RPS6KC1: variants seen among roughly 807,000 people sequenced by gnomAD.
RPS6KC1 encodes the protein inactive ribosomal protein S6 kinase delta-1.
A neutral mutation model predicts 103.8 loss-of-function variants in RPS6KC1; 54 were observed. That is an observed-to-expected ratio of 0.52 (90% CI 0.42 to 0.65). RPS6KC1 has a LOEUF of 0.65. RPS6KC1 is among the 30% of genes least tolerant of loss of function. The pLI is 0.00. For synonymous variants in RPS6KC1, 439 were observed against 438.7 expected, an observed-to-expected ratio of 1.00 and a Z score of -0.01; for missense variants, 1,151 against 1,253.8, an observed-to-expected ratio of 0.92 and a Z score of 1.24.
the RPS6KC1 span, among the ~76,000 whole-genome samples, chr1:213,448,784 A>G: frequency 2.8e-5 from 4 of 144,256 alleles, no homozygotes; most frequent in South Asian, 2.2e-4. Context: ...AAAAAAAAAA[A>G]GGAAAAAAAT....
At position 213,074,659 on chromosome 1, in the gene RPS6KC1, G is replaced by A. The variant is rs542113556; in HGVS notation, c.142-3037G>A. ...CTAGAGTTGAGAAGAAGGAATATAG[G>A]ATTGAATAAATTAGGGCATGGTGAA... On this transcript the variant is annotated intron_variant, in intron 2 of 14. Coordinates refer to ENST00000366960, the MANE Select transcript of RPS6KC1 (RefSeq NM_012424.6). 6.6e-5 allele frequency among the ~76,000 whole-genome samples: 10 copies of A among 151,994 alleles called. No individual in the cohort carries two copies. In the South Asian group the frequency reaches 1.9e-3, roughly 28 times the overall value.
chr1:213,170,632 G>A (rs1002491564), intron 7 of RPS6KC1, among the ~76,000 whole-genome samples: 2 of 152,102 alleles, frequency 1.3e-5, no homozygotes, highest in African/African-American at 4.8e-5. Context: ...GGATTTTTTC[G>A]GTTCTTAGGC....
At chr1:213,538,170 C>T in the RPS6KC1 span, among the ~76,000 whole-genome samples, 2 of 152,136 alleles carry the variant, frequency 1.3e-5, no homozygotes, top group Non-Finnish European at 2.9e-5. Context: ...CCTTGGCTCC[C>T]AGGTTTGGTG....
intron 5 of RPS6KC1, among the ~76,000 whole-genome samples, chr1:213,120,577 G>T (rs1305594399): frequency 6.6e-6 from 1 of 152,140 alleles, no homozygotes; most frequent in Non-Finnish European, 1.5e-5. Flanking sequence ...CAGTGAAATG[G>T]AGGGTTGTTA....
the RPS6KC1 span, among the ~76,000 whole-genome samples, chr1:213,312,730 G>A: frequency 6.6e-6 from 1 of 152,190 alleles, no homozygotes; most frequent in Non-Finnish European, 1.5e-5. Context: ...TGAGGACAGG[G>A]TAATGATGTC....
intron 4 of RPS6KC1, 111 bp downstream of exon 4, chr1:213,104,680 G>T (rs565880367): frequency 9.8e-5 from 46 of 470,352 alleles, no homozygotes; most frequent in Admixed American, 4.9e-4. Flanking sequence ...TATAAAAGTA[G>T]AAATTAATAG....
chr1:213,130,637 C>T (rs1347487822), intron 6 of RPS6KC1, among the ~76,000 whole-genome samples: 3 of 152,112 alleles, frequency 2.0e-5, no homozygotes, highest in South Asian at 2.1e-4. Context: ...ATTACTAACA[C>T]TTTTTACTAC....
At chr1:213,703,012 T>G in the RPS6KC1 span, among the ~76,000 whole-genome samples, 14 of 152,138 alleles carry the variant, frequency 9.2e-5, no homozygotes, top group Non-Finnish European at 1.9e-4. Context: ...TTCTTCCTTC[T>G]GTCTTTCCTG....
chr1:213,544,773 A>G, the RPS6KC1 span, among the ~76,000 whole-genome samples: 1 of 151,950 alleles, frequency 6.6e-6, no homozygotes, highest in South Asian at 2.1e-4. Context: ...CCCCTTTACT[A>G]TTCACCTTAG....
chr1:213,382,031 G>A, the RPS6KC1 span, among the ~76,000 whole-genome samples: 2 of 152,162 alleles, frequency 1.3e-5, no homozygotes, highest in Non-Finnish European at 2.9e-5. Flanking sequence ...ACACCCAGGC[G>A]CACACACCAA....
chr1:213,215,839 G>A (rs2093643784), intron 8 of RPS6KC1, among the ~76,000 whole-genome samples: 2 of 152,152 alleles, frequency 1.3e-5, no homozygotes, highest in African/African-American at 2.4e-5. Context: ...GAGAGATTTT[G>A]TCACCACCAG....
At chr1:213,497,670 A>G in the RPS6KC1 span, among the ~76,000 whole-genome samples, 1 of 152,150 alleles carries the variant, frequency 6.6e-6, no homozygotes, top group South Asian at 2.1e-4. Context: ...AGTAGAGTTA[A>G]TGAAATAGTC....
At position 213,117,339 on chromosome 1, in the gene RPS6KC1, C is replaced by T; in HGVS notation, c.401C>T (p.Ser134Phe). 1.2e-6 allele frequency: 2 copies of T among 1,604,074 alleles called. No individual in the cohort carries two copies. Among genetic ancestry groups the T allele is most frequent in the African/African-American group, 1.3e-5 (1 of 74,750 alleles). ...TAGGGTGGAATAATTAATGATAGTTCTGAATTAATTGGTCCTGCTGAAGCT... is the reference window on the plus strand; with the variant it reads ...TAGGGTGGAATAATTAATGATAGTTTTGAATTAATTGGTCCTGCTGAAGCT... ...FFKGGIINDS[S>F]ELIGPAEAHS... Residue 134 changes from serine (S) to phenylalanine (F), a missense_variant, in exon 5 of 15, where the codon TCT becomes TTT. Ser to Phe is a radical substitution (Grantham distance 155). Transcript: ENST00000366960.
At chr1:213,133,915 TC>T (rs2085956948) in intron 6 of RPS6KC1, among the ~76,000 whole-genome samples, 1 of 152,142 alleles carries the variant, frequency 6.6e-6, no homozygotes, top group South Asian at 2.1e-4. Flanking sequence ...AAGTGGGAAA[TC>T]CTCTCCATTG....
At chr1:213,523,876 G>C in the RPS6KC1 span, among the ~76,000 whole-genome samples, 1 of 152,120 alleles carries the variant, frequency 6.6e-6, no homozygotes, top group Admixed American at 6.5e-5. Flanking sequence ...ACTGAGAGCT[G>C]CTTCTTAGGC....
chr1:213,193,453 G>A (rs535052199), intron 8 of RPS6KC1, among the ~76,000 whole-genome samples: 46 of 152,032 alleles, frequency 3.0e-4, no homozygotes, highest in Admixed American at 8.5e-4. Context: ...GTAGAAATGA[G>A]GTTTTACCAC....
At chr1:213,601,986 C>T in the RPS6KC1 span, among the ~76,000 whole-genome samples, 169 of 31,030 alleles carry the variant, frequency 5.4e-3, 5 homozygotes, top group East Asian at 0.066. Flanking sequence ...CTTCCTCTCT[C>T]TCTTTCTTTC....
the RPS6KC1 span, among the ~76,000 whole-genome samples, chr1:213,601,130 G>T: frequency 6.6e-6 from 1 of 152,044 alleles, no homozygotes; most frequent in Non-Finnish European, 1.5e-5. Context: ...GATAAAACAG[G>T]TTGATTTTCT....
At chr1:213,367,682 T>C in the RPS6KC1 span, among the ~76,000 whole-genome samples, 5 of 152,208 alleles carry the variant, frequency 3.3e-5, no homozygotes, top group African/African-American at 1.2e-4. Flanking sequence ...GAACTAAACA[T>C]GGTGCTTCGT....
Sources: gnomAD v4.1 joint callset for allele counts (sites outside exome capture counted in the v4.1 genomes callset) on GRCh38, gnomAD v4.1.1 for gene constraint, MANE v1.5 for transcripts, NCBI Gene and HGNC (gene_info 2026-07-23, HGNC 2026-07-21) for gene names.